TNS1: variants seen among roughly 807,000 people sequenced by gnomAD.
TNS1 encodes the protein tensin 1.
TNS1 carries 62 observed loss-of-function variants against 168.6 expected under a neutral mutation model. The observed-to-expected ratio is 0.37, with a 90% CI of 0.30 to 0.45. The LOEUF is 0.45. TNS1 is among the 20% of genes least tolerant of loss of function. The pLI is 1.00. For missense variants in TNS1, 2,240 were observed against 2,339.4 expected (o/e 0.96, Z 0.88); for synonymous variants, 934 against 933.2 (o/e 1.00, Z -0.02).
intron 3 of TNS1, among the ~76,000 whole-genome samples, chr2:217,963,960 A>G (rs1401660226): frequency 6.6e-6 from 1 of 151,526 alleles, no homozygotes; most frequent in African/African-American, 2.4e-5. Flanking sequence ...CCAGGCCCCA[A>G]ATCTTAAAAC....
In TNS1 at chr2:217,892,983, G is replaced by T; in HGVS notation, c.747C>A (p.Ile249=). The change falls in exon 11 of 33, where the codon ATC becomes ATA. Residue 249 remains isoleucine (I), a synonymous_variant. Coordinates refer to ENST00000682258, the MANE Select transcript of TNS1 (RefSeq NM_001387777.1). ...TGTTGCTGTAGTGCATGTAAGCCGC[G>T]ATGACAACTCCTATCCTGCCTCGGT... ...KGNRGRIGVV[I]AAYMHYSNIS... 5 of 1,614,180 alleles carry T rather than the reference G, an allele frequency of 3.1e-6. No homozygotes were observed. The highest frequency in any genetic ancestry group is 1.1e-5 in the South Asian group (1 of 91,076).
chr2:217,878,390 G>A (rs1950384703), intron 18 of TNS1, among the ~76,000 whole-genome samples: 1 of 152,212 alleles, frequency 6.6e-6, no homozygotes, highest in African/African-American at 2.4e-5. Context: ...AGCACAGGGG[G>A]CAACGCGGTG....
chr2:217,909,553 C>A (rs3791927), intron 4 of TNS1, among the ~76,000 whole-genome samples: 6,988 of 148,240 alleles, frequency 0.047, 439 homozygotes, highest in African/African-American at 0.15. Flanking sequence ...GGCTGTTGAC[C>A]CACAGGTGCC....
At chr2:217,885,203 G>A in intron 15 of TNS1, 39 bp from the exon 16 acceptor site, 4 of 1,613,408 alleles carry the variant, frequency 2.5e-6, no homozygotes, top group Non-Finnish European at 3.4e-6. Flanking sequence ...AGGGGCCTGA[G>A]GCTGGGAGGT....
chr2:217,995,458 A>C lies in TNS1; in HGVS notation c.34-4402T>G, dbSNP rs1415727197. On this transcript the variant is annotated intron_variant, in intron 1 of 32. Transcript: ENST00000682258. The surrounding 1 kb of genome is among the most constrained non-coding windows in gnomAD (Gnocchi z 4.1). Reference sequence around the variant, plus strand: ...GACTCAGTGGGGAAAAAAAAAACTTAACAATCAGATGCAAAAATATGGGCT... The same window carrying C: ...GACTCAGTGGGGAAAAAAAAAACTTCACAATCAGATGCAAAAATATGGGCT... Among the ~76,000 whole-genome samples, 1 of 152,096 alleles carries C rather than the reference A, an allele frequency of 6.6e-6. No individual in the cohort carries two copies. Among genetic ancestry groups the C allele is most frequent in the Non-Finnish European group, 1.5e-5 (1 of 68,020 alleles).
chr2:217,874,387 C>T (rs1209873451), intron 18 of TNS1, among the ~76,000 whole-genome samples: 3 of 152,244 alleles, frequency 2.0e-5, no homozygotes, highest in African/African-American at 4.8e-5. Context: ...ACAGTGCTCT[C>T]ATCTCAAGGT....
At chr2:217,935,003 G>T (rs1190741700) in intron 3 of TNS1, among the ~76,000 whole-genome samples, 1 of 152,242 alleles carries the variant, frequency 6.6e-6, no homozygotes, top group African/African-American at 2.4e-5. Context: ...TTTGCCTGAA[G>T]TCACACAGTG....
chr2:217,882,294 G>T, intron 17 of TNS1, 52 bp downstream of exon 17: 1 of 1,254,606 alleles, frequency 8.0e-7, no homozygotes, highest in Non-Finnish European at 1.2e-6. Flanking sequence ...GCTGGGGATA[G>T]GGTCAGGATA....
chr2:217,835,608 G>T (rs1945057676), intron 20 of TNS1, among the ~76,000 whole-genome samples: 1 of 152,170 alleles, frequency 6.6e-6, no homozygotes, highest in South Asian at 2.1e-4. Context: ...CTACTGAAAT[G>T]TCTTAGAAAT....
At chr2:217,932,766 A>G (rs1236709896) in intron 3 of TNS1, among the ~76,000 whole-genome samples, 1 of 152,226 alleles carries the variant, frequency 6.6e-6, no homozygotes, top group Non-Finnish European at 1.5e-5. Context: ...TTCCATCAAA[A>G]AAATCCACCG....
At chr2:217,952,876 G>A (rs926554817) in intron 3 of TNS1, among the ~76,000 whole-genome samples, 3 of 152,196 alleles carry the variant, frequency 2.0e-5, no homozygotes, top group Non-Finnish European at 4.4e-5. Context: ...CTCACAAAAT[G>A]TTGAGGATTT....
intron 19 of TNS1, among the ~76,000 whole-genome samples, chr2:217,846,781 C>T (rs1946706554): frequency 6.6e-6 from 1 of 152,246 alleles, no homozygotes; most frequent in African/African-American, 2.4e-5. Context: ...ACTTTCCTCT[C>T]TCCCAAAAGA....
In TNS1 at chr2:217,804,282, CTCTCTCTT is replaced by C; in HGVS notation, c.*169_*176del. On this transcript the variant is annotated 3_prime_UTR_variant, in exon 33 of 33. Coordinates refer to ENST00000682258, the MANE Select transcript of TNS1 (RefSeq NM_001387777.1). ...TCTCTCTCTCTCTCTCTCTCTCTCT[CTCTCTCTT>C]TTCCCCCTCCCCTCTGCAATTCACT... The C allele has an allele frequency of 1.5e-6, 1 of 681,472 alleles. No individual in the cohort carries two copies. The highest frequency in any genetic ancestry group is 2.4e-6 in the Non-Finnish European group (1 of 410,110). 42.2% of individuals were successfully genotyped at this position (681,472 alleles called of 1,614,324 possible). A position where few individuals can be genotyped will look rare whatever the true frequency, so the allele number is the denominator to read the frequency against.
chr2:217,982,697 C>T (rs1267782129), intron 2 of TNS1, among the ~76,000 whole-genome samples: 1 of 151,898 alleles, frequency 6.6e-6, no homozygotes, highest in Non-Finnish European at 1.5e-5. Context: ...ACCATGGACC[C>T]AGCCTGTATT....
chr2:217,975,185 C>G (rs1254974437), intron 3 of TNS1, among the ~76,000 whole-genome samples: 1 of 152,098 alleles, frequency 6.6e-6, no homozygotes, highest in Non-Finnish European at 1.5e-5. Flanking sequence ...AGCCACATGA[C>G]AGAACCACCT....
chr2:218,003,304 C>A (rs553918429), upstream of TNS1, among the ~76,000 whole-genome samples: 1 of 152,024 alleles, frequency 6.6e-6, no homozygotes, highest in Non-Finnish European at 1.5e-5. Flanking sequence ...TGCAGACCCC[C>A]GCCCCTGGCA....
chr2:217,892,913 T>C, intron 11 of TNS1, 35 bp downstream of exon 11: 1 of 1,610,700 alleles, frequency 6.2e-7, no homozygotes, highest in Non-Finnish European at 8.5e-7. Flanking sequence ...ACACTGTCGA[T>C]GTTCAGAGGA....
At chr2:217,909,638 T>A (rs933631657) in intron 4 of TNS1, among the ~76,000 whole-genome samples, 3 of 151,618 alleles carry the variant, frequency 2.0e-5, no homozygotes, top group African/African-American at 7.3e-5. Flanking sequence ...GACGTGCATT[T>A]CTACCAGGTT....
At chr2:218,024,369 C>T (rs1032429033) in intron 1 of TNS1, among the ~76,000 whole-genome samples, 1 of 150,386 alleles carries the variant, frequency 6.6e-6, no homozygotes, top group African/African-American at 2.4e-5. Context: ...TGCTGCAATC[C>T]CAGTAAGAGG....
Sources: gnomAD v4.1 joint callset for allele counts (sites outside exome capture counted in the v4.1 genomes callset) on GRCh38, gnomAD v4.1.1 for gene constraint, Gnocchi (gnomAD v3.1) non-coding constraint, MANE v1.5 for transcripts, NCBI Gene and HGNC (gene_info 2026-07-23, HGNC 2026-07-21) for gene names.